Variants in ZC3H3 observed in about 807,000 individuals in gnomAD.
ZC3H3 encodes the protein zinc finger CCCH-type containing 3.
ZC3H3 carries 36 observed loss-of-function variants against 77.3 expected under a neutral mutation model. The ratio of observed to expected loss-of-function variants is 0.47; its 90% CI spans 0.36 to 0.61. The LOEUF (loss-of-function observed/expected upper bound fraction) is 0.61. Among genes scored for constraint, ZC3H3 ranks in the 20% least tolerant of loss-of-function variants. The pLI, the probability that ZC3H3 is intolerant of heterozygous loss-of-function variation, is 0.00. For missense variants in ZC3H3, 1,331 were observed against 1,312.2 expected, an observed-to-expected ratio of 1.01 and a Z score of -0.22; for synonymous variants, 626 against 555.2, an observed-to-expected ratio of 1.13 and a Z score of -1.79.
At chr8:143,484,306 A>C (rs1397919741) in intron 4 of ZC3H3, among the ~76,000 whole-genome samples, 1 of 152,168 alleles carries the variant, frequency 6.6e-6, no homozygotes, top group Admixed American at 6.5e-5. Flanking sequence ...GCGCCTCTGC[A>C]GCCTGGCTGG....
chr8:143,462,672 C>CCA lies in ZC3H3; in HGVS notation c.2307+3043_2307+3044dup, dbSNP rs1248438792. On this transcript the variant is annotated intron_variant, in intron 9 of 11. Coordinates refer to ENST00000262577, the MANE Select transcript of ZC3H3 (RefSeq NM_015117.3). This position sits in a 1 kb window ranked among gnomAD's most constrained non-coding sequence, Gnocchi z 4.7. ...ACAGCTCCCTGCAGACAGGCACCAA[C>CCA]CACACACAGGGTGTGGGGAAAACGG... Among the ~76,000 whole-genome samples, 8 of 152,204 alleles carry CCA rather than the reference C, an allele frequency of 5.3e-5. No individual in the cohort carries two copies. The highest frequency in any genetic ancestry group is 1.2e-4 in the Non-Finnish European group (8 of 68,038).
chr8:143,507,449 A>G (rs1821737206), intron 4 of ZC3H3, among the ~76,000 whole-genome samples: 1 of 152,258 alleles, frequency 6.6e-6, no homozygotes, highest in Non-Finnish European at 1.5e-5. Context: ...AGAAGCTTTC[A>G]TGGCACAGAG....
chr8:143,486,212 A>G (rs1279013354), intron 4 of ZC3H3, among the ~76,000 whole-genome samples: 1 of 152,256 alleles, frequency 6.6e-6, no homozygotes, highest in Non-Finnish European at 1.5e-5. Context: ...GCAGGGAAAA[A>G]GAATGAGTTC....
At chr8:143,527,067 G>A (rs149164577) in intron 3 of ZC3H3, among the ~76,000 whole-genome samples, 20 of 152,298 alleles carry the variant, frequency 1.3e-4, no homozygotes, top group African/African-American at 3.8e-4. Flanking sequence ...GCCCTGTGCC[G>A]TGCCCACCCG....
intron 3 of ZC3H3, among the ~76,000 whole-genome samples, chr8:143,535,054 T>C (rs558614979): frequency 3.3e-4 from 50 of 151,016 alleles, no homozygotes; most frequent in African/African-American, 1.2e-3. Context: ...CTGGGTTTCT[T>C]TTTTTTTTGA....
chr8:143,514,193 A>G (rs1255442820), intron 3 of ZC3H3, among the ~76,000 whole-genome samples: 1 of 152,146 alleles, frequency 6.6e-6, no homozygotes, highest in East Asian at 1.9e-4. Context: ...GAGGTCCACC[A>G]TGTGCAGGGG....
Position 143,538,836 on chromosome 8 carries a change from T to C in ZC3H3, c.531A>G (p.Thr177=), listed in dbSNP as rs1822903445. ...CCACACTGCAGGTCCCCCTGGCTCT[T>C]GTTGGCCTCGAGGGCTGCAGCTGTC... ...PRGQLQPSRP[T]RARGTCSVED... is the part of the protein sequence containing the mutation. Residue 177 remains threonine (T), a synonymous_variant, in exon 2 of 12, where the codon ACA becomes ACG. Coordinates refer to ENST00000262577, the MANE Select transcript of ZC3H3 (RefSeq NM_015117.3). The C allele has an allele frequency of 6.2e-7, 1 of 1,612,298 alleles. No individual in the cohort carries two copies.
chr8:143,490,991 G>T (rs1218951362), intron 4 of ZC3H3, among the ~76,000 whole-genome samples: 1 of 152,212 alleles, frequency 6.6e-6, no homozygotes, highest in Non-Finnish European at 1.5e-5. Flanking sequence ...TATTTAAAAC[G>T]GCGGCACCCA....
rs550457950 is a variant in ZC3H3 at position 143,534,522 on chromosome 8, T to A, written c.1561+1735A>T. ...AGGCCTGAAGAGGGAGCAGGCCAGG[T>A]GAGCAGGGCTGAACCTGCACCCAGT... On this transcript the variant is annotated intron_variant, in intron 3 of 11. Coordinates refer to ENST00000262577, the MANE Select transcript of ZC3H3 (RefSeq NM_015117.3). Among the ~76,000 whole-genome samples the A allele has an allele frequency of 4.1e-4, 62 of 152,180 alleles. 2 individuals carry two copies. In the South Asian group the frequency reaches 0.01, roughly 25 times the overall value.
chr8:143,492,242 G>A (rs1016021396), intron 4 of ZC3H3, among the ~76,000 whole-genome samples: 1 of 152,146 alleles, frequency 6.6e-6, no homozygotes, highest in Non-Finnish European at 1.5e-5. Flanking sequence ...AGGCCTCCAG[G>A]CGCCCCCTCC....
At chr8:143,525,490 G>A (rs1051868596) in intron 3 of ZC3H3, among the ~76,000 whole-genome samples, 1 of 152,200 alleles carries the variant, frequency 6.6e-6, no homozygotes, top group Non-Finnish European at 1.5e-5. Flanking sequence ...GCCACCCAAG[G>A]GACCCCACAG....
chr8:143,437,863 G>A lies in ZC3H3; in HGVS notation c.*193C>T, dbSNP rs1819626384. 1 of 737,846 alleles carries A rather than the reference G, an allele frequency of 1.4e-6. No individual in the cohort carries two copies. Among genetic ancestry groups the A allele is most frequent in the Non-Finnish European group, 2.2e-6 (1 of 451,818 alleles). 45.7% of individuals were successfully genotyped at this position (737,846 alleles called of 1,614,324 possible). ...GGGTGGGGACAGGGGCCTGGCTTGG[G>A]GGAGGAAGACCAGGCCCTGCGCACA... On this transcript the variant is annotated 3_prime_UTR_variant, in exon 12 of 12. Coordinates refer to ENST00000262577, the MANE Select transcript of ZC3H3 (RefSeq NM_015117.3).
At chr8:143,532,655 C>CA (rs1264288635) in intron 3 of ZC3H3, among the ~76,000 whole-genome samples, 1 of 152,252 alleles carries the variant, frequency 6.6e-6, no homozygotes, top group African/African-American at 2.4e-5. Context: ...CAGAGCACTG[C>CA]AGCGTTCAAC....
At chr8:143,457,504 G>A (rs913727912) in intron 9 of ZC3H3, among the ~76,000 whole-genome samples, 2 of 152,142 alleles carry the variant, frequency 1.3e-5, no homozygotes, top group Non-Finnish European at 2.9e-5. Flanking sequence ...GGCTGAGGCG[G>A]ATGGACTCTT....
At chr8:143,522,264 A>G (rs1289121045) in intron 3 of ZC3H3, among the ~76,000 whole-genome samples, 1 of 152,236 alleles carries the variant, frequency 6.6e-6, no homozygotes, top group Non-Finnish European at 1.5e-5. Context: ...ACAGCACAGA[A>G]GACTCCCTGA....
In ZC3H3 at chr8:143,471,527, C is replaced by G. The variant is rs183630308; in HGVS notation, c.1904-2868G>C. On this transcript the variant is annotated intron_variant, in intron 5 of 11. Coordinates refer to ENST00000262577, the MANE Select transcript of ZC3H3 (RefSeq NM_015117.3). ...GCCCTGTGGCCAGAGACTGGGGCCT[C>G]TGCCCCACCACAGGAGCCATCAGGC... 8.4e-4 allele frequency among the ~76,000 whole-genome samples: 128 copies of G among 152,208 alleles called. 1 individual carries two copies. Among genetic ancestry groups the G allele is most frequent in the Admixed American group, 7.6e-3 (116 of 15,312 alleles).
At position 143,441,019 on chromosome 8, in the gene ZC3H3, G is replaced by A. The variant is rs1242268478; in HGVS notation, c.2409C>T (p.His803=). ...CQLLHRTQKR[H]SRRAATSPAP... is the part of the protein sequence containing the mutation. Reference sequence around the variant, plus strand: ...CGGGGGACGTGGCTGCCCGCCGACTGTGGCGTTTCTGGGTACGGTGGAGCA... The same window carrying A: ...CGGGGGACGTGGCTGCCCGCCGACTATGGCGTTTCTGGGTACGGTGGAGCA... Residue 803 remains histidine, a synonymous_variant, in exon 10 of 12, where the codon CAC becomes CAT. Coordinates refer to ENST00000262577, the MANE Select transcript of ZC3H3 (RefSeq NM_015117.3). 2 of 1,478,928 alleles carry A rather than the reference G, an allele frequency of 1.4e-6. No homozygotes were observed. Among genetic ancestry groups the A allele is most frequent in the South Asian group, 1.4e-5 (1 of 72,308 alleles). The allele number at this position is 1,478,928 out of a possible 1,614,324, so 91.6% of individuals were successfully genotyped here. A position where few individuals can be genotyped will look rare whatever the true frequency, so the allele number is the denominator to read the frequency against.
intron 11 of ZC3H3, among the ~76,000 whole-genome samples, chr8:143,438,742 C>T (rs377351630): frequency 6.6e-6 from 1 of 152,212 alleles, no homozygotes; most frequent in South Asian, 2.1e-4. Context: ...CACAGTGGCC[C>T]GCTGAATAGA....
intron 4 of ZC3H3, among the ~76,000 whole-genome samples, chr8:143,491,221 C>CG (rs1214337821): frequency 3.3e-5 from 5 of 152,170 alleles, no homozygotes; most frequent in African/African-American, 4.8e-5. Flanking sequence ...CAGGAACCCC[C>CG]GGGGGGCCCT....
Sources: allele counts gnomAD v4.1 joint callset (sites outside exome capture counted in the v4.1 genomes callset), GRCh38; gene constraint gnomAD v4.1.1; non-coding constraint Gnocchi (gnomAD v3.1); transcripts MANE v1.5; gene names NCBI Gene and HGNC (gene_info 2026-07-23, HGNC 2026-07-21).